WDFY4: variants seen among roughly 807,000 people sequenced by gnomAD.
The protein encoded by WDFY4 is WD repeat- and FYVE domain-containing protein 4.
Under a neutral mutation model 351.9 loss-of-function variants are expected in WDFY4, and 169 were observed. That is an observed-to-expected ratio of 0.48 (90% CI 0.42 to 0.55). The LOEUF (loss-of-function observed/expected upper bound fraction) is 0.55. WDFY4 is among the 20% of genes least tolerant of loss of function. The probability of loss-of-function intolerance (pLI) is 0.00; values close to 1 mark genes in which losing one functional copy is unlikely to be tolerated. For missense variants in WDFY4, 3,803 were observed against 3,935.6 expected (o/e 0.97, Z 0.90); for synonymous variants, 1,622 against 1,574.6 (o/e 1.03, Z -0.71).
chr10:48,902,836 G>GT (rs1837427293), intron 47 of WDFY4, among the ~76,000 whole-genome samples: 1 of 152,118 alleles, frequency 6.6e-6, no homozygotes, highest in South Asian at 2.1e-4. Flanking sequence ...TTGGCCGGGC[G>GT]TGGTGGCTCA....
intron 5 of WDFY4, among the ~76,000 whole-genome samples, chr10:48,723,911 G>C (rs915845731): frequency 6.6e-6 from 1 of 151,950 alleles, no homozygotes; most frequent in African/African-American, 2.4e-5. Flanking sequence ...ATGGGGTCTG[G>C]GGTCATAGAA....
intron 47 of WDFY4, among the ~76,000 whole-genome samples, chr10:48,920,537 G>GA (rs1179982883): frequency 2.0e-5 from 3 of 150,470 alleles, no homozygotes; most frequent in South Asian, 2.1e-4. Flanking sequence ...TGAAAAAAAA[G>GA]AAAAAAAAAG....
At chr10:48,844,375 T>G (rs1293225819) in intron 39 of WDFY4, among the ~76,000 whole-genome samples, 1 of 152,108 alleles carries the variant, frequency 6.6e-6, no homozygotes, top group African/African-American at 2.4e-5. Context: ...GTGGATCACC[T>G]GAGGTCAGGA....
intron 35 of WDFY4, chr10:48,823,072 C>T: frequency 8.3e-7 from 1 of 1,203,638 alleles, no homozygotes; most frequent in South Asian, 1.3e-5. Flanking sequence ...AAATGCATAC[C>T]TGTAGGGCCA....
At chr10:48,826,605 G>T in intron 35 of WDFY4, 66 bp from the exon 36 acceptor site, 1 of 1,250,486 alleles carries the variant, frequency 8.0e-7, no homozygotes, top group Non-Finnish European at 1.1e-6. Context: ...TGGTAAACTG[G>T]ATCTGTATCT....
chr10:48,784,482 A>G (rs1243104309), intron 19 of WDFY4, among the ~76,000 whole-genome samples: 2 of 140,106 alleles, frequency 1.4e-5, no homozygotes, highest in African/African-American at 5.4e-5. Flanking sequence ...TATTCTCCTC[A>G]GTGATGTCCA....
chr10:48,805,202 C>A (rs1185541199), intron 25 of WDFY4, 58 bp from the exon 26 acceptor site: 1 of 1,507,500 alleles, frequency 6.6e-7, no homozygotes. Flanking sequence ...AGCAGAAACA[C>A]AGCAAATTTG....
At chr10:48,904,807 C>T (rs538127613) in intron 47 of WDFY4, among the ~76,000 whole-genome samples, 2 of 152,300 alleles carry the variant, frequency 1.3e-5, no homozygotes, top group East Asian at 1.9e-4. Flanking sequence ...GGGATGTACC[C>T]GCCCAGCTTC....
At chr10:48,793,515 C>T (rs2066750383) in intron 23 of WDFY4, among the ~76,000 whole-genome samples, 1 of 152,138 alleles carries the variant, frequency 6.6e-6, no homozygotes, top group African/African-American at 2.4e-5. Context: ...TTCTTGTCCA[C>T]TCTTTATAAA....
At chr10:48,853,510 T>C (rs1488664265) in intron 39 of WDFY4, among the ~76,000 whole-genome samples, 1 of 152,214 alleles carries the variant, frequency 6.6e-6, no homozygotes, top group African/African-American at 2.4e-5. Context: ...TCCACAATAC[T>C]GAGTCCACCA....
chr10:48,933,966 C>G (rs1302801687), intron 47 of WDFY4, among the ~76,000 whole-genome samples: 12 of 152,192 alleles, frequency 7.9e-5, no homozygotes, highest in Middle Eastern at 3.4e-3. Flanking sequence ...ACTAACAAAC[C>G]GGTCTGCAGA....
At chr10:48,880,737 G>A (rs1457233626) in intron 43 of WDFY4, among the ~76,000 whole-genome samples, 3 of 152,214 alleles carry the variant, frequency 2.0e-5, no homozygotes, top group Non-Finnish European at 4.4e-5. Flanking sequence ...TGCCTGAGAT[G>A]TCTCTATGCA....
At chr10:48,759,857 C>G (rs2065447730) in intron 12 of WDFY4, among the ~76,000 whole-genome samples, 1 of 152,216 alleles carries the variant, frequency 6.6e-6, no homozygotes, top group Non-Finnish European at 1.5e-5. Context: ...CTACCATTTA[C>G]TTTCCAGAGT....
intron 43 of WDFY4, among the ~76,000 whole-genome samples, chr10:48,881,172 G>A (rs1467954647): frequency 6.6e-6 from 1 of 152,146 alleles, no homozygotes; most frequent in African/African-American, 2.4e-5. Context: ...TGCTCTGGCT[G>A]TTGCTGTTCC....
intron 55 of WDFY4, chr10:48,967,547 C>T (rs1842137725): frequency 1.3e-5 from 2 of 152,168 alleles, no homozygotes; most frequent in African/African-American, 4.8e-5. Flanking sequence ...TCTCTTCTGA[C>T]CATAATTCAG....
At chr10:48,787,968 TCTTCTTCTTCTTCTTCTCCTTCTC>T (rs2066536228) in intron 20 of WDFY4, among the ~76,000 whole-genome samples, 7 of 93,312 alleles carry the variant, frequency 7.5e-5, no homozygotes, top group Non-Finnish European at 4.2e-5. Context: ...TTCTTCTTCT[TCTTCTTCTTCTTCTTCTCCTTCTC>T]CTTCTCCTTC....
chr10:48,782,839 T>A (rs995987034), intron 19 of WDFY4, among the ~76,000 whole-genome samples: 3 of 152,182 alleles, frequency 2.0e-5, no homozygotes, highest in African/African-American at 7.2e-5. Flanking sequence ...GGGAACGATA[T>A]GAGACATTAG....
chr10:48,744,252 C>A (rs1243713334), intron 12 of WDFY4, among the ~76,000 whole-genome samples: 1 of 152,186 alleles, frequency 6.6e-6, no homozygotes, highest in Non-Finnish European at 1.5e-5. Flanking sequence ...TCCTCTAAAG[C>A]ATAAATGACA....
intron 1 of WDFY4, among the ~76,000 whole-genome samples, chr10:48,706,714 C>T (rs1418282861): frequency 2.6e-5 from 4 of 152,154 alleles, no homozygotes; most frequent in East Asian, 3.9e-4. Context: ...CAACTATTTC[C>T]TTTTAGAAAT....
Sources: gnomAD v4.1 joint callset for allele counts (sites outside exome capture counted in the v4.1 genomes callset) on GRCh38, gnomAD v4.1.1 for gene constraint, MANE v1.5 for transcripts, NCBI Gene and HGNC (gene_info 2026-07-23, HGNC 2026-07-21) for gene names.